DACT3: variants seen among roughly 807,000 people sequenced by gnomAD.
DACT3 encodes dishevelled binding antagonist of beta catenin 3.
Under a neutral mutation model 19.6 loss-of-function variants are expected in DACT3, and 5 were observed. That is an observed-to-expected ratio of 0.26 (90% CI 0.13 to 0.54). The LOEUF (loss-of-function observed/expected upper bound fraction) is 0.54, where lower values mean the gene tolerates loss of function less well. Ranked by LOEUF, DACT3 falls within the 20% of genes least tolerant of loss-of-function variation. DACT3 has a pLI of 0.95. For synonymous variants in DACT3, 454 were observed against 428.1 expected, an observed-to-expected ratio of 1.06 and a Z score of -0.75; for missense variants, 908 against 927.4, an observed-to-expected ratio of 0.98 and a Z score of 0.27.
At position 46,649,333 on chromosome 19, in the gene DACT3, CGG is replaced by C; in HGVS notation, c.1037_1038del (p.Pro346ArgfsTer5). ...PAAPPAAPSP[P>X]DSPAEGRLVK... is the part of the protein sequence containing the mutation. ...ACCAAGCGGCCCTCAGCCGGGCTGT[CGG>C]GGGGTGAGGGGGCGGCGGGCGGCGC... On this transcript the variant is annotated frameshift_variant, in exon 4 of 4. Coordinates refer to ENST00000391916, the MANE Select transcript of DACT3 (RefSeq NM_145056.3). LOFTEE classifies it low-confidence loss of function (END_TRUNC). 1 of 1,230,674 alleles carries C rather than the reference CGG, an allele frequency of 8.1e-7. No homozygotes were observed. Among genetic ancestry groups the C allele is most frequent in the Non-Finnish European group, 1.0e-6 (1 of 983,900 alleles). 76.2% of individuals were successfully genotyped at this position (1,230,674 alleles called of 1,614,324 possible). A position where few individuals can be genotyped will look rare whatever the true frequency, so the allele number is the denominator to read the frequency against.
Position 46,649,299 on chromosome 19 carries a change from TG to T in DACT3, c.1072del (p.Gln358SerfsTer25). 1 of 1,227,770 alleles carries T rather than the reference TG, an allele frequency of 8.1e-7. No homozygotes were observed. Among genetic ancestry groups the T allele is most frequent in the Non-Finnish European group, 1.0e-6 (1 of 983,208 alleles). 76.1% of individuals were successfully genotyped at this position (1,227,770 alleles called of 1,614,324 possible). ...GGCCGCCTGCGCGCCCGGGATGTAC[TG>T]CGCCTTCACCAAGCGGCCCTCAGCC... ...SPAEGRLVKA[Q>X]YIPGAQAATR... is the part of the protein sequence containing the mutation. On this transcript the variant is annotated frameshift_variant, in exon 4 of 4. Transcript: ENST00000391916. LOFTEE classifies it low-confidence loss of function (END_TRUNC).
At position 46,652,785 on chromosome 19, in the gene DACT3, C is replaced by T; in HGVS notation, c.374G>A (p.Gly125Glu). Residue 125 changes from glycine (G) to glutamate (E), a missense_variant, in exon 3 of 4, where the codon GGA becomes GAA. Transcript: ENST00000391916. ...GGTTGAGGGTGGTGAATCTGGACCT[C>T]CTGTAGAGCTGGGATCTTCATAGAA... ...SGFYEDPSSTGGPDSPPSTFC... is the reference protein window; with the variant it reads ...SGFYEDPSSTEGPDSPPSTFC... 1 of 1,551,498 alleles carries T rather than the reference C, an allele frequency of 6.4e-7. No homozygotes were observed. The highest frequency in any genetic ancestry group is 8.7e-7 in the Non-Finnish European group (1 of 1,146,918).
intron 1 of DACT3, among the ~76,000 whole-genome samples, chr19:46,657,212 T>G (rs557074712): frequency 6.6e-6 from 1 of 152,214 alleles, no homozygotes; most frequent in South Asian, 2.1e-4. Context: ...TGGCATCACA[T>G]TAAGCTCTGC....
intron 3 of DACT3, 117 bp from the exon 4 acceptor site, chr19:46,649,989 A>G: frequency 8.5e-7 from 1 of 1,175,700 alleles, no homozygotes; most frequent in Non-Finnish European, 1.1e-6. Flanking sequence ...TTCCATCCTC[A>G]TCGCAGCAAA....
At chr19:46,654,065 C>T in intron 1 of DACT3, 3 of 985,384 alleles carry the variant, frequency 3.0e-6, no homozygotes, top group Non-Finnish European at 3.6e-6. Context: ...TGAGTCTAGC[C>T]TTACTGGTAC....
intron 1 of DACT3, chr19:46,654,728 G>A (rs1184664557): frequency 1.0e-6 from 1 of 985,456 alleles, no homozygotes; most frequent in East Asian, 1.1e-4. Flanking sequence ...TGGACCGCAG[G>A]AGGGAGGGAA....
chr19:46,653,555 A>ATTTATTTATTTATTTT (rs1190284178), intron 1 of DACT3, among the ~76,000 whole-genome samples: 2 of 149,322 alleles, frequency 1.3e-5, no homozygotes, highest in African/African-American at 4.9e-5. Flanking sequence ...TTATTTATTT[A>ATTTATTTATTTATTTT]TTTATTTATT....
Position 46,655,713 on chromosome 19 carries a change from T to G in DACT3, c.250-2638A>C, listed in dbSNP as rs140067112. Among the ~76,000 whole-genome samples the G allele has an allele frequency of 9.2e-3, 1,400 of 152,250 alleles. 14 individuals carry two copies. The highest frequency in any genetic ancestry group is 0.032 in the African/African-American group (1,330 of 41,538). ...CTAGGAACGCGGAGATTTGTCTGTT[T>G]AGCTCACAGGTGCACCCCCACCCAG... On this transcript the variant is annotated intron_variant, in intron 1 of 3. Coordinates refer to ENST00000391916, the MANE Select transcript of DACT3 (RefSeq NM_145056.3).
Position 46,648,791 on chromosome 19 carries a change from C to A in DACT3, c.1581G>T (p.Gly527=). 1.9e-6 allele frequency: 3 copies of A among 1,541,770 alleles called. No individual in the cohort carries two copies. Among genetic ancestry groups the A allele is most frequent in the South Asian group, 2.3e-5 (2 of 86,336 alleles). The stretch of plus-strand genomic sequence containing the variant: ...CCCGGCGTCCCAGGGGCCCCAGGCG[C>A]CCAGCCGAGCACTCGGAGTCGCTGC... ...CAGSDSECSA[G]RLGPLGRRGP... The change falls in exon 4 of 4, where the codon GGG becomes GGT. Residue 527 remains glycine, a synonymous_variant. Coordinates refer to ENST00000391916, the MANE Select transcript of DACT3 (RefSeq NM_145056.3). The surrounding 1 kb of genome is among the most constrained non-coding windows in gnomAD (Gnocchi z 5.1).
chr19:46,655,852 G>T (rs1024918137), intron 1 of DACT3, among the ~76,000 whole-genome samples: 1 of 151,070 alleles, frequency 6.6e-6, no homozygotes, highest in South Asian at 2.1e-4. Flanking sequence ...CGGGAGGATC[G>T]CTGGAGGCCG....
At chr19:46,659,443 C>G in intron 1 of DACT3, 1 of 984,208 alleles carries the variant, frequency 1.0e-6, no homozygotes, top group Non-Finnish European at 1.2e-6. Flanking sequence ...TCGCATTCTC[C>G]TTGTCAGGAT....
chr19:46,661,036 C>G lies in DACT3; in HGVS notation c.29G>C (p.Ser10Thr). Reference sequence around the variant, plus strand: ...GCCCCGCAGCCGGCCCCGCTCAGGGCTCACCGGGAACGAGAAGGCCCGGAT... The same window carrying G: ...GCCCCGCAGCCGGCCCCGCTCAGGGGTCACCGGGAACGAGAAGGCCCGGAT... MIRAFSFPV[S>T]PERGRLRGWL... The change falls in exon 1 of 4, where the codon AGC becomes ACC. Residue 10 changes from serine (S) to threonine (T), a missense_variant. By Grantham distance (58) the Ser-to-Thr change is moderately conservative. Around this residue, in one of 2 missense-constraint regions of DACT3, gnomAD observed 252 missense variants for 325.6 expected, o/e 0.77. Transcript: ENST00000391916. 1.3e-6 allele frequency: 2 copies of G among 1,517,732 alleles called. No homozygotes were observed. Among genetic ancestry groups the G allele is most frequent in the Non-Finnish European group, 1.8e-6 (2 of 1,138,924 alleles). The allele number at this position is 1,517,732 out of a possible 1,614,324, so 94.0% of individuals were successfully genotyped here.
Position 46,652,712 on chromosome 19 carries a change from CA to C in DACT3, c.446del (p.Leu149ArgfsTer18). 2 of 1,551,596 alleles carry C rather than the reference CA, an allele frequency of 1.3e-6. No individual in the cohort carries two copies. Among genetic ancestry groups the C allele is most frequent in the Non-Finnish European group, 1.7e-6 (2 of 1,146,984 alleles). On this transcript the variant is annotated frameshift_variant, in exon 3 of 4. Coordinates refer to ENST00000391916, the MANE Select transcript of DACT3 (RefSeq NM_145056.3). LOFTEE classifies it high-confidence loss of function. Reference sequence around the variant, plus strand: ...AGATGCCCCGGGGCTCAGAGGGACCCAGGCGACCATAGGAGCTGGATCCAGA... The same window carrying C: ...AGATGCCCCGGGGCTCAGAGGGACCCGGCGACCATAGGAGCTGGATCCAGA... ...GFSGSSSYGR[L>X]GPSEPRGIYA...
rs1244092887 is a variant in DACT3 at position 46,652,788 on chromosome 19, G to A, written c.371C>T (p.Thr124Ile). 3 of 1,551,366 alleles carry A rather than the reference G, an allele frequency of 1.9e-6. No homozygotes were observed. The highest frequency in any genetic ancestry group is 1.4e-5 in the African/African-American group (1 of 73,034). The stretch of plus-strand genomic sequence containing the variant: ...TGAGGGTGGTGAATCTGGACCTCCT[G>A]TAGAGCTGGGATCTTCATAGAAGCC... The part of the protein sequence containing the change: ...SSGFYEDPSS[T>I]GGPDSPPSTF... The change falls in exon 3 of 4, where the codon ACA (threonine) becomes ATA (isoleucine). Residue 124 changes from threonine (T) to isoleucine (I), a missense_variant. Thr to Ile is a moderately conservative substitution (Grantham distance 89). Transcript: ENST00000391916.
chr19:46,660,731 A>C lies in DACT3; in HGVS notation c.249+85T>G. On this transcript the variant is annotated intron_variant, in intron 1 of 3. Transcript: ENST00000391916. The surrounding 1 kb of genome is among the most constrained non-coding windows in gnomAD (Gnocchi z 4.9). Reference sequence around the variant, plus strand: ...TCACTCCCTGCCTACCCGGGTCCCCAACCCCCGCCCGGTGTCTGAGCATCC... The same window carrying C: ...TCACTCCCTGCCTACCCGGGTCCCCCACCCCCGCCCGGTGTCTGAGCATCC... 1.4e-6 allele frequency: 2 copies of C among 1,390,440 alleles called. No individual in the cohort carries two copies. The highest frequency in any genetic ancestry group is 9.3e-7 in the Non-Finnish European group (1 of 1,076,018). The allele number at this position is 1,390,440 out of a possible 1,614,324, so 86.1% of individuals were successfully genotyped here.
intron 3 of DACT3, 61 bp downstream of exon 3, chr19:46,652,599 C>G: frequency 3.3e-6 from 5 of 1,513,926 alleles, no homozygotes; most frequent in Non-Finnish European, 4.4e-6. Context: ...AAGTCTGTGC[C>G]CACAACCATC....
At chr19:46,658,801 A>C (rs1224413289) in intron 1 of DACT3, among the ~76,000 whole-genome samples, 2 of 152,058 alleles carry the variant, frequency 1.3e-5, no homozygotes, top group Admixed American at 6.6e-5. Flanking sequence ...GTTGGTATCC[A>C]GTGCCCATTT....
Position 46,648,788 on chromosome 19 carries a change from G to A in DACT3, c.1584C>T (p.Arg528=), listed in dbSNP as rs769256147. 8 of 1,543,474 alleles carry A rather than the reference G, an allele frequency of 5.2e-6. No individual in the cohort carries two copies. Among genetic ancestry groups the A allele is most frequent in the Non-Finnish European group, 6.9e-6 (8 of 1,151,868 alleles). ...AGSDSECSAG[R]LGPLGRRGPA... is the part of the protein sequence containing the mutation. ...GCCCCCGGCGTCCCAGGGGCCCCAG[G>A]CGCCCAGCCGAGCACTCGGAGTCGC... Residue 528 remains arginine, a synonymous_variant, in exon 4 of 4, where the codon CGC becomes CGT. Coordinates refer to ENST00000391916, the MANE Select transcript of DACT3 (RefSeq NM_145056.3). The surrounding 1 kb of genome is among the most constrained non-coding windows in gnomAD (Gnocchi z 5.1).
Position 46,647,800 on chromosome 19 carries a change from G to A in DACT3, c.*682C>T, listed in dbSNP as rs1357917642. The A allele has an allele frequency of 2.6e-5, 4 of 152,524 alleles. No homozygotes were observed. The highest frequency in any genetic ancestry group is 9.7e-5 in the African/African-American group (4 of 41,416). The allele number at this position is 152,524 out of a possible 1,614,324, so 9.4% of individuals were successfully genotyped here. A position where few individuals can be genotyped will look rare whatever the true frequency, so the allele number is the denominator to read the frequency against. ...CCCTCTCACAGGGAGTGGGGGTCAT[G>A]AGATAGAAACCATCTTCCTTCCCCT... On this transcript the variant is annotated 3_prime_UTR_variant, in exon 4 of 4. Transcript: ENST00000391916.
Sources: gnomAD v4.1 joint callset for allele counts (sites outside exome capture counted in the v4.1 genomes callset) on GRCh38, gnomAD v4.1.1 for gene constraint, gnomAD v4.1.1 regional missense constraint, Gnocchi (gnomAD v3.1) non-coding constraint, MANE v1.5 for transcripts, NCBI Gene and HGNC (gene_info 2026-07-23, HGNC 2026-07-21) for gene names.